MYO15A: variants seen among roughly 807,000 people sequenced by gnomAD.
MYO15A encodes the protein unconventional myosin-XV.
MYO15A carries 308 observed loss-of-function variants against 394.6 expected under a neutral mutation model. The ratio of observed to expected loss-of-function variants is 0.78; its 90% CI spans 0.71 to 0.86. The LOEUF is 0.86. Ranked by LOEUF, MYO15A falls within the 40% of genes least tolerant of loss-of-function variation. MYO15A has a pLI of 0.00. For missense variants in MYO15A, 4,606 were observed against 4,799.1 expected (o/e 0.96, Z 1.19); for synonymous variants, 1,957 against 2,003.8 (o/e 0.98, Z 0.62).
In MYO15A at chr17:18,131,685, C is replaced by T. The variant is rs376449351; in HGVS notation, c.4206+154C>T. Among the ~76,000 whole-genome samples the T allele has an allele frequency of 3.3e-5, 5 of 152,202 alleles. No individual in the cohort carries two copies. The East Asian group carries it at 9.7e-4, about 29-fold the overall frequency. ...ACATGTGAGCCCAGGACCTCCCCTCCCCGACCCTCCTCCAGCCACGGTGGC... is the reference window on the plus strand; with the variant it reads ...ACATGTGAGCCCAGGACCTCCCCTCTCCGACCCTCCTCCAGCCACGGTGGC... On this transcript the variant is annotated intron_variant, in intron 10 of 65. Coordinates refer to ENST00000647165, the MANE Select transcript of MYO15A (RefSeq NM_016239.4).
At chr17:18,135,626 C>T (rs2046251859) in intron 12 of MYO15A, 85 bp from the exon 13 acceptor site, 1 of 1,313,812 alleles carries the variant, frequency 7.6e-7, no homozygotes, top group Admixed American at 1.9e-5. Flanking sequence ...CTGGCATGAG[C>T]CACAGTGCCC....
In MYO15A at chr17:18,124,532, G is replaced by A. The variant is rs201689819; in HGVS notation, c.3659G>A (p.Gly1220Glu). The A allele has an allele frequency of 7.2e-4, 1,165 of 1,613,250 alleles. 2 individuals carry two copies. Among genetic ancestry groups the A allele is most frequent in the Non-Finnish European group, 8.8e-4 (1,038 of 1,179,988 alleles). The change falls in exon 3 of 66, where the codon GGG (glycine) becomes GAG (glutamate). Residue 1220 changes from glycine to glutamate, a missense_variant. Physicochemically the swap from Gly to Glu is moderately conservative, Grantham distance 98. Transcript: ENST00000647165. ...TCCATGCGGTTCCGTGAGCAGCACG[G>A]GGAGGATGGTGTGGAGGACATGACA... ...LPSMRFREQH[G>E]EDGVEDMTQL...
rs1179552961 is a variant in MYO15A at position 18,144,359 on chromosome 17, C to CT, written c.6178-137dup. On this transcript the variant is annotated intron_variant, in intron 28 of 65. Transcript: ENST00000647165. ...GCCACTGTGGTGGCCCCTCACCAGC[C>CT]TCAGTTTCCCCATCCATACACTGAG... The CT allele has an allele frequency of 1.4e-5, 12 of 867,890 alleles. No individual in the cohort carries two copies. The East Asian group carries it at 2.7e-4, about 20-fold the overall frequency. 53.8% of individuals were successfully genotyped at this position (867,890 alleles called of 1,614,324 possible).
intron 48 of MYO15A, 61 bp from the exon 49 acceptor site, chr17:18,156,893 C>T: frequency 6.9e-7 from 1 of 1,454,036 alleles, no homozygotes; most frequent in Non-Finnish European, 9.7e-7. Context: ...AGGGGTGGCC[C>T]TAGGCCTCTG....
intron 44 of MYO15A, 54 bp downstream of exon 44, chr17:18,154,244 C>A (rs2142378251): frequency 6.9e-6 from 11 of 1,596,686 alleles, no homozygotes; most frequent in South Asian, 2.2e-5. Context: ...GCTGTGTGGA[C>A]GCAAAGATGA....
chr17:18,164,593 A>C (rs535359887), intron 60 of MYO15A: 1 of 152,804 alleles, frequency 6.5e-6, no homozygotes, highest in Admixed American at 6.5e-5. Context: ...TAATCCCAGC[A>C]CTTTGGGAGG....
intron 1 of MYO15A, among the ~76,000 whole-genome samples, chr17:18,116,559 AC>A (rs59025161): frequency 0.012 from 1,753 of 152,224 alleles, 30 homozygotes; most frequent in African/African-American, 0.041. Context: ...AACACACCTG[AC>A]TGGGGCCTCA....
intron 4 of MYO15A, 35 bp from the exon 5 acceptor site, chr17:18,126,312 G>A: frequency 3.2e-6 from 5 of 1,569,710 alleles, no homozygotes; most frequent in South Asian, 2.2e-5. Flanking sequence ...GGTCTGCAAG[G>A]AGCCACGACG....
In MYO15A at chr17:18,139,451, A is replaced by G. The variant is rs1013356493; in HGVS notation, c.5134-83A>G. On this transcript the variant is annotated intron_variant, in intron 18 of 65. Transcript: ENST00000647165. ...TGGGGGCTGGAGGGGTGGGGACCAT[A>G]GAAGTGAGGAGGATCCAGTCCCTCC... 4 of 1,437,682 alleles carry G rather than the reference A, an allele frequency of 2.8e-6. No individual in the cohort carries two copies. The African/African-American group carries it at 5.6e-5, about 20-fold the overall frequency. The allele number at this position is 1,437,682 out of a possible 1,614,324, so 89.1% of individuals were successfully genotyped here. A position where few individuals can be genotyped will look rare whatever the true frequency, so the allele number is the denominator to read the frequency against.
chr17:18,129,906 A>G (rs1157665708), intron 7 of MYO15A, among the ~76,000 whole-genome samples: 5 of 152,010 alleles, frequency 3.3e-5, no homozygotes, highest in Non-Finnish European at 4.4e-5. Context: ...TTTTTTAGAC[A>G]GTCTCACTCT....
chr17:18,135,620 C>T (rs1338606853), intron 12 of MYO15A, 91 bp from the exon 13 acceptor site: 2 of 1,259,570 alleles, frequency 1.6e-6, no homozygotes, highest in African/African-American at 3.0e-5. Context: ...GGACTACTGG[C>T]ATGAGCCACA....
At position 18,133,223 on chromosome 17, in the gene MYO15A, A is replaced by G; in HGVS notation, c.4321-2A>G. On this transcript the variant is annotated splice_acceptor_variant, in intron 11 of 65. Transcript: ENST00000647165. LOFTEE classifies it high-confidence loss of function. The stretch of plus-strand genomic sequence containing the variant: ...TGACCCTCAGCCTCTGCCCTCATGC[A>G]GGGTGGGAACTGTGAGATAGCAGGA... 2 of 1,613,944 alleles carry G rather than the reference A, an allele frequency of 1.2e-6. No individual in the cohort carries two copies. The highest frequency in any genetic ancestry group is 1.7e-6 in the Non-Finnish European group (2 of 1,179,934).
At chr17:18,178,563 G>C (rs1355957898) in intron 65 of MYO15A, among the ~76,000 whole-genome samples, 1 of 151,892 alleles carries the variant, frequency 6.6e-6, no homozygotes. Flanking sequence ...TCTCCTGCTT[G>C]CTTACCCCTT....
At chr17:18,157,402 C>T in intron 50 of MYO15A, 172 bp downstream of exon 50, 1 of 1,031,950 alleles carries the variant, frequency 9.7e-7, no homozygotes, top group South Asian at 1.4e-5. Context: ...ACAGCCCAGC[C>T]CTCTGCTTTG....
Position 18,121,178 on chromosome 17 carries a change from C to G in MYO15A, c.2378C>G (p.Ala793Gly). The stretch of plus-strand genomic sequence containing the variant: ...GGCCTCGGCTACTGCTCACCCTTGG[C>G]GCCCCCGTCGCCTCAGCTGTCCTTG... Reference protein sequence around the residue: ...SPGLGYCSPLAPPSPQLSLRT... With the variant: ...SPGLGYCSPLGPPSPQLSLRT... The change falls in exon 2 of 66, where the codon GCG becomes GGG. Residue 793 changes from alanine to glycine, a missense_variant. Around this residue, in one of 2 missense-constraint regions of MYO15A, gnomAD observed 1,830 missense variants for 1,689.7 expected, o/e 1.08. Coordinates refer to ENST00000647165, the MANE Select transcript of MYO15A (RefSeq NM_016239.4). This position sits in a 1 kb window ranked among gnomAD's most constrained non-coding sequence, Gnocchi z 5.3. The G allele has an allele frequency of 6.6e-7, 1 of 1,512,268 alleles. No individual in the cohort carries two copies. Among genetic ancestry groups the G allele is most frequent in the Non-Finnish European group, 8.8e-7 (1 of 1,137,444 alleles). 93.7% of individuals were successfully genotyped at this position (1,512,268 alleles called of 1,614,324 possible).
chr17:18,159,429 C>T, intron 54 of MYO15A, 82 bp downstream of exon 54: 1 of 1,540,696 alleles, frequency 6.5e-7, no homozygotes, highest in Non-Finnish European at 9.0e-7. Flanking sequence ...CCACTCCTCC[C>T]TGATCTTCAG....
At chr17:18,166,671 CT>C in intron 61 of MYO15A, 150 bp downstream of exon 61, 1 of 1,136,688 alleles carries the variant, frequency 8.8e-7, no homozygotes, top group Non-Finnish European at 1.3e-6. Flanking sequence ...CCTATGTGGT[CT>C]CTTTGGAGAA....
chr17:18,160,148 A>C, intron 56 of MYO15A, 131 bp downstream of exon 56: 1 of 856,140 alleles, frequency 1.2e-6, no homozygotes, highest in Non-Finnish European at 1.9e-6. Context: ...TCCTCACTCA[A>C]TAGAGCACGT....
At chr17:18,175,848 G>T (rs2047007421) in intron 65 of MYO15A, among the ~76,000 whole-genome samples, 1 of 151,932 alleles carries the variant, frequency 6.6e-6, no homozygotes, top group Non-Finnish European at 1.5e-5. Context: ...TTCCTCCCAT[G>T]ACCTTTGTGG....
Sources: gnomAD v4.1 joint callset for allele counts (sites outside exome capture counted in the v4.1 genomes callset) on GRCh38, gnomAD v4.1.1 for gene constraint, gnomAD v4.1.1 regional missense constraint, Gnocchi (gnomAD v3.1) non-coding constraint, MANE v1.5 for transcripts, NCBI Gene and HGNC (gene_info 2026-07-23, HGNC 2026-07-21) for gene names.